The following LRRC4C variants were observed in gnomAD, a reference collection of about 807,000 sequenced individuals.
LRRC4C encodes the protein leucine-rich repeat-containing protein 4C.
Under a neutral mutation model 33.6 loss-of-function variants are expected in LRRC4C, and 5 were observed. The ratio of observed to expected loss-of-function variants is 0.15; its 90% CI spans 0.08 to 0.31. The LOEUF (loss-of-function observed/expected upper bound fraction) is 0.31, where lower values mean the gene tolerates loss of function less well. Among genes scored for constraint, LRRC4C ranks in the 10% least tolerant of loss-of-function variants. LRRC4C has a pLI of 1.00. For synonymous variants in LRRC4C, 329 were observed against 302.0 expected, an observed-to-expected ratio of 1.09 and a Z score of -0.93; for missense variants, 560 against 796.7, an observed-to-expected ratio of 0.70 and a Z score of 3.58.
chr11:41,388,520 A>G (rs1053357021), intron 1 of LRRC4C, among the ~76,000 whole-genome samples: 2 of 151,934 alleles, frequency 1.3e-5, no homozygotes, highest in Non-Finnish European at 2.9e-5. Flanking sequence ...CCACGAAAAC[A>G]GAAGGAATTG....
chr11:40,129,981 C>T (rs964671771), intron 6 of LRRC4C, among the ~76,000 whole-genome samples: 1 of 152,008 alleles, frequency 6.6e-6, no homozygotes, highest in Non-Finnish European at 1.5e-5. Flanking sequence ...GATAAGTGTA[C>T]CTGGCATGAG....
chr11:40,932,836 T>A (rs907102963), intron 2 of LRRC4C, among the ~76,000 whole-genome samples: 5 of 152,160 alleles, frequency 3.3e-5, no homozygotes, highest in African/African-American at 1.2e-4. Flanking sequence ...TTTCATGTGG[T>A]CACATCCTAT....
chr11:40,431,144 A>C (rs1256044872), intron 3 of LRRC4C, among the ~76,000 whole-genome samples: 1 of 151,340 alleles, frequency 6.6e-6, no homozygotes, highest in Non-Finnish European at 1.5e-5. Context: ...CTTTAAAAAA[A>C]AAAAAAAAAA....
chr11:40,734,617 C>A (rs1206463440), intron 2 of LRRC4C, among the ~76,000 whole-genome samples: 1 of 152,124 alleles, frequency 6.6e-6, no homozygotes, highest in Non-Finnish European at 1.5e-5. Flanking sequence ...TACCGTAAGT[C>A]ACCTCATGAC....
chr11:40,752,372 G>GA (rs1225160239), intron 2 of LRRC4C, among the ~76,000 whole-genome samples: 1 of 151,850 alleles, frequency 6.6e-6, no homozygotes, highest in Admixed American at 6.6e-5. Flanking sequence ...ATAATATCCA[G>GA]AATATACAAG....
intron 1 of LRRC4C, among the ~76,000 whole-genome samples, chr11:40,937,235 G>A (rs931221822): frequency 8.4e-5 from 12 of 142,520 alleles, no homozygotes; most frequent in Admixed American, 5.9e-4. Flanking sequence ...AATACAGAAT[G>A]TTCTCACTTA....
At chr11:40,976,343 T>C (rs1403570787) in intron 1 of LRRC4C, among the ~76,000 whole-genome samples, 4 of 152,132 alleles carry the variant, frequency 2.6e-5, no homozygotes, top group Admixed American at 1.3e-4. Context: ...TCAGAAAATA[T>C]CTCCTGGGTT....
At chr11:41,361,337 A>T (rs547972259) in intron 1 of LRRC4C, among the ~76,000 whole-genome samples, 1 of 152,318 alleles carries the variant, frequency 6.6e-6, no homozygotes, top group South Asian at 2.1e-4. Flanking sequence ...TTCTTGTAGG[A>T]GTTACAGAAA....
At chr11:40,868,417 C>T (rs1002658052) in intron 2 of LRRC4C, among the ~76,000 whole-genome samples, 1 of 152,114 alleles carries the variant, frequency 6.6e-6, no homozygotes, top group Admixed American at 6.6e-5. Context: ...CCTGTTTGTT[C>T]TCATTCCCAT....
chr11:40,272,007 GA>G (rs1474487752), intron 4 of LRRC4C, among the ~76,000 whole-genome samples: 1 of 152,042 alleles, frequency 6.6e-6, no homozygotes, highest in Non-Finnish European at 1.5e-5. Flanking sequence ...AAAATACCAT[GA>G]AAAACCTTGG....
chr11:41,315,303 C>G (rs1451999338), intron 1 of LRRC4C, among the ~76,000 whole-genome samples: 1 of 152,064 alleles, frequency 6.6e-6, no homozygotes, highest in Non-Finnish European at 1.5e-5. Context: ...GTAGACCCTG[C>G]CCATATTATG....
intron 5 of LRRC4C, among the ~76,000 whole-genome samples, chr11:40,163,655 G>T (rs1253231539): frequency 6.6e-6 from 1 of 152,102 alleles, no homozygotes; most frequent in Non-Finnish European, 1.5e-5. Context: ...AATAGAAATT[G>T]ATTATAATAA....
At chr11:40,785,391 A>G (rs1950373003) in intron 2 of LRRC4C, among the ~76,000 whole-genome samples, 1 of 152,140 alleles carries the variant, frequency 6.6e-6, no homozygotes, top group African/African-American at 2.4e-5. Context: ...TCTTAATTTG[A>G]TTCTTACTTT....
At chr11:41,052,282 T>A (rs1408611836) in intron 1 of LRRC4C, among the ~76,000 whole-genome samples, 1 of 152,108 alleles carries the variant, frequency 6.6e-6, no homozygotes, top group Admixed American at 6.6e-5. Context: ...GAGATACAAG[T>A]CCTTCACAGA....
chr11:40,173,818 G>A (rs1008311655), intron 5 of LRRC4C, among the ~76,000 whole-genome samples: 1 of 152,156 alleles, frequency 6.6e-6, no homozygotes, highest in African/African-American at 2.4e-5. Context: ...AGTTATAGAT[G>A]ATGAGAAACT....
chr11:40,653,294 C>G (rs1397104972), intron 2 of LRRC4C, among the ~76,000 whole-genome samples: 1 of 152,170 alleles, frequency 6.6e-6, no homozygotes. Flanking sequence ...AAGTTTGGAA[C>G]TTCCTAGACA....
intron 1 of LRRC4C, among the ~76,000 whole-genome samples, chr11:41,330,918 T>C (rs1441042093): frequency 1.3e-5 from 2 of 152,210 alleles, no homozygotes; most frequent in African/African-American, 4.8e-5. Flanking sequence ...TATATGTGTC[T>C]TATATGTCTT....
intron 1 of LRRC4C, among the ~76,000 whole-genome samples, chr11:41,057,174 G>A (rs1374359106): frequency 4.5e-4 from 68 of 152,164 alleles, no homozygotes; most frequent in Admixed American, 4.4e-3. Flanking sequence ...TGCTCCCGCT[G>A]CTTGGCTTCT....
chr11:41,002,141 A>G (rs1854426205), intron 1 of LRRC4C, among the ~76,000 whole-genome samples: 1 of 152,202 alleles, frequency 6.6e-6, no homozygotes, highest in African/African-American at 2.4e-5. Flanking sequence ...AAGACAAATA[A>G]TTTAACAGTT....
Sources: allele counts gnomAD v4.1 joint callset (sites outside exome capture counted in the v4.1 genomes callset), GRCh38; gene constraint gnomAD v4.1.1; transcripts MANE v1.5; gene names NCBI Gene and HGNC (gene_info 2026-07-23, HGNC 2026-07-21).